The following JMJD1C variants were observed in gnomAD, a reference collection of about 807,000 sequenced individuals.
The protein encoded by JMJD1C is jumonji domain-containing protein 1C.
Under a neutral mutation model 245.3 loss-of-function variants are expected in JMJD1C, and 31 were observed. The ratio of observed to expected loss-of-function variants is 0.13; its 90% CI spans 0.09 to 0.17. The LOEUF (loss-of-function observed/expected upper bound fraction) is 0.17. Among genes scored for constraint, JMJD1C ranks in the 10% least tolerant of loss-of-function variants. JMJD1C has a pLI of 1.00. For missense variants in JMJD1C, 2,691 were observed against 3,000.2 expected (o/e 0.90, Z 2.41); for synonymous variants, 1,057 against 1,017.4 (o/e 1.04, Z -0.74).
intron 1 of JMJD1C, among the ~76,000 whole-genome samples, chr10:63,486,109 G>A (rs561322698): frequency 7.3e-6 from 1 of 136,960 alleles, no homozygotes; most frequent in East Asian, 2.1e-4. Flanking sequence ...ACGTGGAGAA[G>A]GGGAAAGTAA....
At chr10:63,205,818 T>G (rs1460384062) in intron 10 of JMJD1C, among the ~76,000 whole-genome samples, 2 of 152,046 alleles carry the variant, frequency 1.3e-5, no homozygotes, top group Admixed American at 1.3e-4. Context: ...ATATATACAT[T>G]CCATCATTTT....
Position 63,351,088 on chromosome 10 carries a change from T to C in JMJD1C, c.333+29230A>G, listed in dbSNP as rs1161118031. 4.6e-5 allele frequency among the ~76,000 whole-genome samples: 7 copies of C among 150,800 alleles called. No individual in the cohort carries two copies. In the South Asian group the frequency reaches 8.4e-4, roughly 18 times the overall value. ...AACAAACAGAAATTTTTCTTTTTTT[T>C]TTTTTTTTGAGATGGAGTCTCGCTC... On this transcript the variant is annotated intron_variant, in intron 2 of 25. Coordinates refer to ENST00000399262, the MANE Select transcript of JMJD1C (RefSeq NM_032776.3).
rs766414903 is a variant in JMJD1C, at chr10:63,465,605, C to G, written c.58G>C (p.Gly20Arg). The change falls in exon 1 of 26, where the codon GGC (glycine) becomes CGC (arginine). Residue 20 changes from glycine to arginine, a missense_variant. Physicochemically the swap from Gly to Arg is moderately radical, Grantham distance 125 (BLOSUM62 -2). Coordinates refer to ENST00000399262, the MANE Select transcript of JMJD1C (RefSeq NM_032776.3). Reference protein sequence around the residue: ...VGKRFLCVAVGDEARSERWES... With the variant: ...VGKRFLCVAVRDEARSERWES... Reference sequence around the variant, plus strand: ...CAGCGCTCCGAACGTGCCTCGTCGCCGACCGCCACACACAGGAACCGCTTA... The same window carrying G: ...CAGCGCTCCGAACGTGCCTCGTCGCGGACCGCCACACACAGGAACCGCTTA... 2 of 1,609,858 alleles carry G rather than the reference C, an allele frequency of 1.2e-6. No homozygotes were observed. The highest frequency in any genetic ancestry group is 1.3e-5 in the African/African-American group (1 of 75,052).
At chr10:63,383,217 TA>T (rs11354894) in intron 1 of JMJD1C, among the ~76,000 whole-genome samples, 78,867 of 144,608 alleles carry the variant, frequency 0.55, 21,637 homozygotes, top group East Asian at 0.65. Context: ...GAAGCTTCTT[TA>T]AAAAAAAAAA....
At chr10:63,336,974 G>C (rs1942801898) in intron 2 of JMJD1C, among the ~76,000 whole-genome samples, 1 of 151,992 alleles carries the variant, frequency 6.6e-6, no homozygotes, top group African/African-American at 2.4e-5. Flanking sequence ...CCAAGTAGCT[G>C]AGATTACAGG....
chr10:63,310,845 G>A (rs1405675798), intron 2 of JMJD1C, among the ~76,000 whole-genome samples: 2 of 151,664 alleles, frequency 1.3e-5, no homozygotes, highest in Non-Finnish European at 2.9e-5. Flanking sequence ...GTCAACAAAT[G>A]TAAAAAAAGA....
intron 19 of JMJD1C, 98 bp from the exon 20 acceptor site, chr10:63,185,751 T>C (rs939451782): frequency 4.1e-6 from 3 of 737,618 alleles, no homozygotes; most frequent in African/African-American, 3.5e-5. Flanking sequence ...GATTTGATTG[T>C]TGCACATTAC....
At position 63,176,400 on chromosome 10, in the gene JMJD1C, T is replaced by C; in HGVS notation, c.7298A>G (p.Lys2433Arg). Residue 2433 changes from lysine to arginine, a missense_variant, in exon 24 of 26, where the codon AAA (lysine) becomes AGA (arginine). This residue lies in a region of JMJD1C where 232 missense variants were observed against 416.1 expected (regional missense o/e 0.56). Transcript: ENST00000399262. ...PIRDQSWYVN[K>R]KLRQRLLEEY... ...TTCAAGCAGCCTTTGACGGAGCTTT[T>C]TGTTCACATACCAACTTTGGTCACG... 1 of 1,614,080 alleles carries C rather than the reference T, an allele frequency of 6.2e-7. No individual in the cohort carries two copies. Among genetic ancestry groups the C allele is most frequent in the Non-Finnish European group, 8.5e-7 (1 of 1,179,944 alleles).
chr10:63,362,842 C>T (rs1287178168), intron 2 of JMJD1C, among the ~76,000 whole-genome samples: 1 of 151,924 alleles, frequency 6.6e-6, no homozygotes, highest in Non-Finnish European at 1.5e-5. Context: ...ACTGAGGATC[C>T]CTGACTAAGC....
Position 63,480,255 on chromosome 10 carries a change from C to T in JMJD1C, n.113+41483G>A, listed in dbSNP as rs1953789597. 6.6e-5 allele frequency among the ~76,000 whole-genome samples: 10 copies of T among 152,030 alleles called. 1 individual carries two copies. In the South Asian group the frequency reaches 1.9e-3, roughly 28 times the overall value. ...AAAGCCCATCTTTTGCAACCCTGTG[C>T]GGGTCTCCTAAATACATTCGATGGG... On this transcript the variant is annotated intron_variant and non_coding_transcript_variant, in intron 1 of 3. Coordinates refer to the JMJD1C transcript ENST00000633035.
At chr10:63,265,068 A>G (rs1191470982) in intron 2 of JMJD1C, among the ~76,000 whole-genome samples, 1 of 152,204 alleles carries the variant, frequency 6.6e-6, no homozygotes, top group Non-Finnish European at 1.5e-5. Flanking sequence ...TCTGCTTAAA[A>G]AGAGAAATTG....
intron 3 of JMJD1C, among the ~76,000 whole-genome samples, chr10:63,264,002 AC>A (rs1855196457): frequency 1.3e-5 from 2 of 148,372 alleles, no homozygotes; most frequent in African/African-American, 5.1e-5. Context: ...ACACACACAC[AC>A]ACACAATTCT....
intron 2 of JMJD1C, 199 bp downstream of exon 2, chr10:63,380,119 T>C (rs910347307): frequency 2.6e-5 from 11 of 422,718 alleles, no homozygotes; most frequent in African/African-American, 2.3e-4. Context: ...TTTTTTTTTT[T>C]TTTTGGTAGA....
chr10:63,338,118 C>A (rs1943019488), intron 2 of JMJD1C, among the ~76,000 whole-genome samples: 1 of 152,084 alleles, frequency 6.6e-6, no homozygotes, highest in Non-Finnish European at 1.5e-5. Context: ...TTATCTGGAG[C>A]TCTTTAGAGT....
intron 2 of JMJD1C, among the ~76,000 whole-genome samples, chr10:63,277,738 T>TTTTC (rs1856955690): frequency 8.7e-6 from 1 of 115,326 alleles, no homozygotes; most frequent in Non-Finnish European, 1.7e-5. Flanking sequence ...TTTCTTTTTT[T>TTTTC]TTTTTTTTTT....
At chr10:63,354,229 G>A (rs190212244) in intron 2 of JMJD1C, among the ~76,000 whole-genome samples, 81 of 152,190 alleles carry the variant, frequency 5.3e-4, no homozygotes, top group African/African-American at 1.9e-3. Context: ...AAATTAAAAA[G>A]GTGATCATGA....
At chr10:63,508,516 G>A (rs945639692) in intron 1 of JMJD1C, among the ~76,000 whole-genome samples, 3 of 152,156 alleles carry the variant, frequency 2.0e-5, no homozygotes, top group Non-Finnish European at 2.9e-5. Flanking sequence ...TAGCCACAAA[G>A]TAACTTAGTG....
intron 3 of JMJD1C, among the ~76,000 whole-genome samples, chr10:63,242,413 G>A (rs181548143): frequency 4.9e-4 from 74 of 152,220 alleles, no homozygotes; most frequent in Non-Finnish European, 8.4e-4. Flanking sequence ...AACGGACACA[G>A]CAGGTTTAGG....
intron 1 of JMJD1C, among the ~76,000 whole-genome samples, chr10:63,458,523 A>C (rs1400830078): frequency 6.6e-6 from 1 of 151,998 alleles, no homozygotes; most frequent in Admixed American, 6.6e-5. Context: ...ACACTGGAAA[A>C]ACTATCTGAA....
Sources: allele counts gnomAD v4.1 joint callset (sites outside exome capture counted in the v4.1 genomes callset), GRCh38; gene constraint gnomAD v4.1.1; regional missense constraint gnomAD v4.1.1; transcripts MANE v1.5; gene names NCBI Gene and HGNC (gene_info 2026-07-23, HGNC 2026-07-21).